CLASP2: variants seen among roughly 807,000 people sequenced by gnomAD.
The protein encoded by CLASP2 is cytoplasmic linker associated protein 2.
In CLASP2, 47 loss-of-function variants were observed where a neutral mutation model predicts 194.4. That is an observed-to-expected ratio of 0.24 (90% CI 0.19 to 0.31). The LOEUF (loss-of-function observed/expected upper bound fraction) is 0.31, where lower values mean the gene tolerates loss of function less well. Among genes scored for constraint, CLASP2 ranks in the 10% least tolerant of loss-of-function variants. CLASP2 has a pLI of 1.00. For synonymous variants in CLASP2, 619 were observed against 633.5 expected, an observed-to-expected ratio of 0.98 and a Z score of 0.34; for missense variants, 1,445 against 1,823.6, an observed-to-expected ratio of 0.79 and a Z score of 3.78.
At chr3:33,551,496 T>G in intron 29 of CLASP2, 101 bp from the exon 30 acceptor site, 1 of 1,228,938 alleles carries the variant, frequency 8.1e-7, no homozygotes, top group Non-Finnish European at 1.1e-6. Context: ...ATTTTTTTTT[T>G]TATATACAGA....
chr3:33,708,550 A>G (rs1012214506), intron 1 of CLASP2, among the ~76,000 whole-genome samples: 9 of 143,946 alleles, frequency 6.3e-5, no homozygotes, highest in African/African-American at 2.3e-4. Flanking sequence ...ATATGTATAT[A>G]TATATATATA....
intron 34 of CLASP2, among the ~76,000 whole-genome samples, chr3:33,531,083 TAC>T (rs2056185451): frequency 6.6e-6 from 1 of 152,158 alleles, no homozygotes; most frequent in Admixed American, 6.5e-5. Context: ...CAAAATTTAC[TAC>T]AGAGCTACAG....
At chr3:33,547,420 C>T (rs1467777105) in intron 30 of CLASP2, among the ~76,000 whole-genome samples, 1 of 152,226 alleles carries the variant, frequency 6.6e-6, no homozygotes, top group African/African-American at 2.4e-5. Context: ...TTCAATTAAA[C>T]CTTTATTTTG....
intron 7 of CLASP2, among the ~76,000 whole-genome samples, chr3:33,660,999 T>C (rs933030314): frequency 6.6e-6 from 1 of 152,218 alleles, no homozygotes; most frequent in Non-Finnish European, 1.5e-5. Flanking sequence ...TTGTTACTTA[T>C]AAAAATTTGT....
chr3:33,608,744 CTTTTTTTTTTTTT>C (rs766687478), intron 13 of CLASP2, 118 bp from the exon 14 acceptor site: 21 of 159,818 alleles, frequency 1.3e-4, no homozygotes, highest in African/African-American at 2.7e-4. Flanking sequence ...TTTTAGATAT[CTTTTTTTTTTTTT>C]TTTTTTTTTT....
intron 21 of CLASP2, among the ~76,000 whole-genome samples, chr3:33,588,361 C>T (rs924069188): frequency 6.6e-6 from 1 of 152,164 alleles, no homozygotes; most frequent in Non-Finnish European, 1.5e-5. Context: ...CCAGAAAATA[C>T]CCATATTTGC....
At chr3:33,632,436 C>T (rs1030115651) in intron 8 of CLASP2, 65 bp from the exon 9 acceptor site, 21 of 1,118,080 alleles carry the variant, frequency 1.9e-5, no homozygotes, top group Non-Finnish European at 2.7e-5. Flanking sequence ...TTAATGACAA[C>T]ATGAAAAATA....
intron 6 of CLASP2, among the ~76,000 whole-genome samples, chr3:33,667,188 G>T (rs770964886): frequency 1.3e-4 from 20 of 152,046 alleles, no homozygotes; most frequent in South Asian, 4.1e-4. Flanking sequence ...GAGGCAGGCG[G>T]ATCACTTGAG....
chr3:33,672,218 A>T (rs1029572250), intron 6 of CLASP2, among the ~76,000 whole-genome samples: 5 of 152,206 alleles, frequency 3.3e-5, no homozygotes, highest in Admixed American at 6.5e-5. Flanking sequence ...CTGACACCTC[A>T]CATGGCCGGG....
intron 21 of CLASP2, among the ~76,000 whole-genome samples, chr3:33,587,279 C>T (rs574042162): frequency 2.0e-5 from 3 of 152,190 alleles, no homozygotes; most frequent in Admixed American, 6.5e-5. Context: ...GCACCCGCCA[C>T]CACGCCCAGC....
At chr3:33,503,374 C>T (rs886176188) in intron 37 of CLASP2, 9 of 150,912 alleles carry the variant, frequency 6.0e-5, no homozygotes, top group African/African-American at 1.9e-4. Context: ...GGGTATATAC[C>T]TGGGAATAGA....
At chr3:33,532,555 T>C (rs1034399099) in intron 34 of CLASP2, among the ~76,000 whole-genome samples, 3 of 152,136 alleles carry the variant, frequency 2.0e-5, no homozygotes, top group Non-Finnish European at 4.4e-5. Flanking sequence ...GCAAAACAAA[T>C]TGGAAAAAAG....
chr3:33,581,455 G>C (rs2066123327), intron 23 of CLASP2, among the ~76,000 whole-genome samples: 1 of 152,102 alleles, frequency 6.6e-6, no homozygotes, highest in Non-Finnish European at 1.5e-5. Flanking sequence ...CGCTGAAAAA[G>C]ACAAAAGTAT....
At chr3:33,711,199 C>T (rs911358027) in intron 1 of CLASP2, among the ~76,000 whole-genome samples, 1 of 151,386 alleles carries the variant, frequency 6.6e-6, no homozygotes, top group African/African-American at 2.4e-5. Flanking sequence ...CCTTCAGTTG[C>T]CCTAGTGTAG....
chr3:33,583,663 T>C (rs1325545862), intron 22 of CLASP2, among the ~76,000 whole-genome samples: 1 of 152,156 alleles, frequency 6.6e-6, no homozygotes, highest in Non-Finnish European at 1.5e-5. Context: ...AAGGAAAAAG[T>C]ATGGAAGTTG....
intron 37 of CLASP2, chr3:33,504,254 G>C (rs2047540194): frequency 6.6e-6 from 1 of 152,246 alleles, no homozygotes; most frequent in African/African-American, 2.4e-5. Context: ...CTGCCATAGA[G>C]GATGAACTTA....
Position 33,559,397 on chromosome 3 carries a change from A to T in CLASP2, c.2931-12T>A. On this transcript the variant is annotated splice_polypyrimidine_tract_variant and intron_variant, in intron 28 of 38. Transcript: ENST00000682230. ...TTGGAAAAGACTCTCTGAAACAAGA[A>T]CAAAGCAAAACGAAACAAAAATTTA... 3 of 1,540,582 alleles carry T rather than the reference A, an allele frequency of 1.9e-6. No individual in the cohort carries two copies. Among genetic ancestry groups the T allele is most frequent in the Non-Finnish European group, 2.7e-6 (3 of 1,130,272 alleles).
At chr3:33,687,610 A>T (rs2154346640) in intron 4 of CLASP2, among the ~76,000 whole-genome samples, 1 of 152,376 alleles carries the variant, frequency 6.6e-6, no homozygotes, top group Non-Finnish European at 1.5e-5. Flanking sequence ...TAGGCTCTAG[A>T]GGGCAGAAAG....
intron 1 of CLASP2, among the ~76,000 whole-genome samples, chr3:33,710,373 A>G (rs1374045915): frequency 6.6e-6 from 1 of 152,224 alleles, no homozygotes; most frequent in Non-Finnish European, 1.5e-5. Flanking sequence ...GCTAGCCATA[A>G]AAATCAATAT....
Sources: gnomAD v4.1 joint callset for allele counts (sites outside exome capture counted in the v4.1 genomes callset) on GRCh38, gnomAD v4.1.1 for gene constraint, MANE v1.5 for transcripts, NCBI Gene and HGNC (gene_info 2026-07-23, HGNC 2026-07-21) for gene names.